The following CUL5 variants were observed in gnomAD, a reference collection of about 807,000 sequenced individuals.
CUL5 encodes the protein cullin-5.
A neutral mutation model predicts 108.8 loss-of-function variants in CUL5; 26 were observed. That is an observed-to-expected ratio of 0.24 (90% CI 0.18 to 0.33). The LOEUF (loss-of-function observed/expected upper bound fraction) is 0.33, where lower values mean the gene tolerates loss of function less well. CUL5 is among the 10% of genes least tolerant of loss of function. The pLI is 1.00. For missense variants in CUL5, 524 were observed against 909.2 expected (o/e 0.58, Z 5.45); for synonymous variants, 334 against 298.0 (o/e 1.12, Z -1.25).
In CUL5 at chr11:108,079,166, C is replaced by T. The variant is rs938452659; in HGVS notation, c.1178+926C>T. On this transcript the variant is annotated intron_variant, in intron 11 of 18. Coordinates refer to ENST00000393094, the MANE Select transcript of CUL5 (RefSeq NM_003478.6). ...TCACCCAGGCTGGAGTGCAGTGGTA[C>T]GACCTCAGCTCACTGCAACCTTTAC... Among the ~76,000 whole-genome samples the T allele has an allele frequency of 5.9e-5, 9 of 152,176 alleles. 1 individual carries two copies. The highest frequency in any genetic ancestry group is 2.1e-4 in the South Asian group (1 of 4,830).
chr11:108,084,752 C>CT (rs1213547766), intron 11 of CUL5, among the ~76,000 whole-genome samples: 1 of 152,156 alleles, frequency 6.6e-6, no homozygotes, highest in Non-Finnish European at 1.5e-5. Flanking sequence ...AGATTAATAG[C>CT]TTAACCACAA....
intron 7 of CUL5, among the ~76,000 whole-genome samples, chr11:108,058,404 A>G (rs550799823): frequency 1.3e-5 from 2 of 151,068 alleles, no homozygotes; most frequent in South Asian, 4.2e-4. Flanking sequence ...GCCCACCACC[A>G]CACCCGGCTA....
At position 108,088,617 on chromosome 11, in the gene CUL5, A is replaced by G. The variant is rs763752908; in HGVS notation, c.1269A>G (p.Lys423=). Residue 423 remains lysine, a synonymous_variant, in exon 12 of 19, where the codon AAA becomes AAG. Coordinates refer to ENST00000393094, the MANE Select transcript of CUL5 (RefSeq NM_003478.6). The part of the protein sequence containing the change: ...DMLLRKTPLS[K]KLTSEEIEAK... Reference sequence around the variant, plus strand: ...TGCTAAGAAAAACACCATTAAGCAAAAAACTAACCTCTGAAGAGATTGAAG... The same window carrying G: ...TGCTAAGAAAAACACCATTAAGCAAGAAACTAACCTCTGAAGAGATTGAAG... 2.5e-6 allele frequency: 4 copies of G among 1,612,698 alleles called. No individual in the cohort carries two copies. In the Admixed American group the frequency reaches 6.7e-5, roughly 27 times the overall value.
intron 4 of CUL5, among the ~76,000 whole-genome samples, 198 bp from the exon 5 acceptor site, chr11:108,052,462 C>T (rs938571386): frequency 1.3e-5 from 2 of 151,886 alleles, no homozygotes; most frequent in Non-Finnish European, 2.9e-5. Flanking sequence ...GGATTTTGCC[C>T]TGCTGCCCAG....
At chr11:108,072,491 A>G (rs1485164707) in intron 9 of CUL5, 29 bp downstream of exon 9, 1 of 1,567,122 alleles carries the variant, frequency 6.4e-7, no homozygotes, top group Non-Finnish European at 8.7e-7. Context: ...GCAATGATAG[A>G]TATATATCAA....
intron 13 of CUL5, among the ~76,000 whole-genome samples, chr11:108,092,671 C>A (rs894375842): frequency 5.3e-5 from 8 of 152,006 alleles, no homozygotes; most frequent in African/African-American, 1.9e-4. Flanking sequence ...GAGTTGGGGC[C>A]AGGAGGGGAA....
At chr11:108,087,822 G>A (rs142391106) in intron 11 of CUL5, among the ~76,000 whole-genome samples, 2,354 of 152,132 alleles carry the variant, frequency 0.015, 58 homozygotes, top group African/African-American at 0.054. Flanking sequence ...AAAATTAGCC[G>A]GGCATGGTGG....
At position 108,032,801 on chromosome 11, in the gene CUL5, G is replaced by T. The variant is rs77774903; in HGVS notation, c.25-1001G>T. 1.6e-3 allele frequency among the ~76,000 whole-genome samples: 237 copies of T among 151,540 alleles called. 4 individuals are homozygous for T. The East Asian group carries it at 0.033, about 21-fold the overall frequency. On this transcript the variant is annotated intron_variant, in intron 1 of 18. Transcript: ENST00000393094. ...TCCATTTCTTACGCTTTTCTCAGCA[G>T]TTCAGTGTCAGGGTTTTTTGTTAGC...
At chr11:108,079,753 C>T (rs1864027237) in intron 11 of CUL5, among the ~76,000 whole-genome samples, 1 of 152,176 alleles carries the variant, frequency 6.6e-6, no homozygotes, top group Admixed American at 6.5e-5. Flanking sequence ...TCCCACCCCA[C>T]CTCCTTCCAG....
intron 7 of CUL5, among the ~76,000 whole-genome samples, chr11:108,067,992 G>A (rs560854405): frequency 2.0e-5 from 3 of 151,738 alleles, no homozygotes; most frequent in Non-Finnish European, 4.4e-5. Flanking sequence ...GCAATGGCAC[G>A]ATCTCGGCTC....
intron 1 of CUL5, among the ~76,000 whole-genome samples, chr11:108,029,680 A>T (rs1862530403): frequency 6.6e-6 from 1 of 152,230 alleles, no homozygotes; most frequent in East Asian, 1.9e-4. Context: ...AATCTATTAT[A>T]AAAGTTTAAT....
At chr11:108,082,685 C>A (rs937513472) in intron 11 of CUL5, among the ~76,000 whole-genome samples, 10 of 151,940 alleles carry the variant, frequency 6.6e-5, no homozygotes, top group Non-Finnish European at 2.9e-5. Context: ...CACTCTGTCA[C>A]CTAGGCTGGA....
At chr11:108,010,202 C>T (rs753267289) in intron 1 of CUL5, among the ~76,000 whole-genome samples, 2 of 152,214 alleles carry the variant, frequency 1.3e-5, no homozygotes, top group Non-Finnish European at 2.9e-5. Context: ...CTTAAAAGTA[C>T]GGACAGAAAT....
intron 2 of CUL5, among the ~76,000 whole-genome samples, chr11:108,038,307 A>C (rs779632790): frequency 5.2e-4 from 79 of 152,296 alleles, no homozygotes; most frequent in Non-Finnish European, 9.8e-4. Context: ...TTAGAAAAGG[A>C]GCATAGCCCT....
At chr11:108,089,994 C>T (rs1249830723) in intron 13 of CUL5, among the ~76,000 whole-genome samples, 6 of 150,886 alleles carry the variant, frequency 4.0e-5, no homozygotes, top group African/African-American at 9.7e-5. Context: ...GAGCCAAGAT[C>T]GTGCCATTGC....
At chr11:108,013,983 A>G (rs1394621745) in intron 1 of CUL5, among the ~76,000 whole-genome samples, 1 of 152,238 alleles carries the variant, frequency 6.6e-6, no homozygotes, top group African/African-American at 2.4e-5. Context: ...GGAGAATGCA[A>G]AGATATGTAG....
At chr11:108,032,770 G>A (rs1251758535) in intron 1 of CUL5, among the ~76,000 whole-genome samples, 1 of 151,868 alleles carries the variant, frequency 6.6e-6, no homozygotes, top group African/African-American at 2.4e-5. Flanking sequence ...AGATTGGCCT[G>A]GAGTTTCCAT....
intron 2 of CUL5, among the ~76,000 whole-genome samples, chr11:108,036,367 C>T (rs1050214162): frequency 3.0e-4 from 45 of 152,178 alleles, no homozygotes; most frequent in African/African-American, 1.1e-3. Context: ...ATCCCTCTAG[C>T]ATTTATGAAA....
At chr11:108,069,393 C>G (rs113437428) in intron 7 of CUL5, among the ~76,000 whole-genome samples, 7 of 152,254 alleles carry the variant, frequency 4.6e-5, no homozygotes, top group African/African-American at 1.7e-4. Flanking sequence ...CTTCCACTGT[C>G]TGTTTCTTCT....
Sources: allele counts gnomAD v4.1 joint callset (sites outside exome capture counted in the v4.1 genomes callset), GRCh38; gene constraint gnomAD v4.1.1; transcripts MANE v1.5; gene names NCBI Gene and HGNC (gene_info 2026-07-23, HGNC 2026-07-21).